BICD1: variants seen among roughly 807,000 people sequenced by gnomAD.
The protein encoded by BICD1 is protein bicaudal D homolog 1.
Under a neutral mutation model 92.5 loss-of-function variants are expected in BICD1, and 35 were observed. The ratio of observed to expected loss-of-function variants is 0.38; its 90% CI spans 0.29 to 0.50. The LOEUF is 0.50. Among genes scored for constraint, BICD1 ranks in the 20% least tolerant of loss-of-function variants. The probability of loss-of-function intolerance (pLI) is 0.93; values close to 1 mark genes in which losing one functional copy is unlikely to be tolerated. For missense variants in BICD1, 950 were observed against 1,189.8 expected (o/e 0.80, Z 2.97); for synonymous variants, 429 against 465.1 (o/e 0.92, Z 1.00).
At chr12:32,268,065 T>C (rs920196517) in intron 2 of BICD1, among the ~76,000 whole-genome samples, 15 of 152,230 alleles carry the variant, frequency 9.9e-5, no homozygotes, top group Non-Finnish European at 2.2e-4. Context: ...CCCAAAGCAC[T>C]GGGATTACAG....
rs1466672007 is a variant in BICD1, at chr12:32,378,381, A to T, written c.*754A>T. ...ATTACTAAGTAAATCTAAGAAAGAG[A>T]CTAAGTTATGATTTATTGACTTATT... On this transcript the variant is annotated 3_prime_UTR_variant, in exon 10 of 10. Transcript: ENST00000652176. 1 of 152,218 alleles carries T rather than the reference A, an allele frequency of 6.6e-6. No individual in the cohort carries two copies. Among genetic ancestry groups the T allele is most frequent in the Admixed American group, 6.5e-5 (1 of 15,278 alleles). The allele number at this position is 152,218 out of a possible 1,614,324, so 9.4% of individuals were successfully genotyped here.
At position 32,342,192 on chromosome 12, in the gene BICD1, ATGTGTG is replaced by A. The variant is rs1185218186; in HGVS notation, c.2764+3221_2764+3226del. ...TATATATATATGTGTGTATATATATATGTGTGTGTGTGTATATATATATATATATAT... is the reference window on the plus strand; with the variant it reads ...TATATATATATGTGTGTATATATATATGTGTGTATATATATATATATATAT... On this transcript the variant is annotated intron_variant, in intron 8 of 9. Transcript: ENST00000652176. Among the ~76,000 whole-genome samples, 235 of 109,992 alleles carry A rather than the reference ATGTGTG, an allele frequency of 2.1e-3. 2 individuals are homozygous for A. The East Asian group carries it at 0.031, about 14-fold the overall frequency. The allele number at this position is 109,992 out of a possible 152,430, so 72.2% of individuals were successfully genotyped here.
intron 2 of BICD1, among the ~76,000 whole-genome samples, chr12:32,270,116 C>A (rs1455748470): frequency 1.9e-5 from 2 of 103,674 alleles, no homozygotes; most frequent in Non-Finnish European, 4.0e-5. Flanking sequence ...GCCAGACTCC[C>A]TCTAAAAAAA....
At chr12:32,372,437 G>A (rs146873743) in intron 9 of BICD1, among the ~76,000 whole-genome samples, 64 of 152,218 alleles carry the variant, frequency 4.2e-4, no homozygotes, top group South Asian at 8.3e-4. Flanking sequence ...CCAAGATCAC[G>A]CTTGGACAAC....
chr12:32,283,625 A>G (rs888454395), intron 2 of BICD1, among the ~76,000 whole-genome samples: 1 of 152,230 alleles, frequency 6.6e-6, no homozygotes, highest in South Asian at 2.1e-4. Flanking sequence ...ATTGGGGATC[A>G]AAGGATAGGA....
intron 4 of BICD1, among the ~76,000 whole-genome samples, chr12:32,323,978 G>A (rs1948714982): frequency 6.6e-6 from 1 of 152,270 alleles, no homozygotes; most frequent in South Asian, 2.1e-4. Context: ...GGAATATTGA[G>A]AGTTAACCTT....
intron 1 of BICD1, among the ~76,000 whole-genome samples, chr12:32,178,682 G>C (rs974669643): frequency 2.6e-5 from 4 of 152,040 alleles, no homozygotes; most frequent in Non-Finnish European, 5.9e-5. Context: ...GTTCTATCTA[G>C]TGGATGGACC....
At chr12:32,129,248 G>A (rs565097143) in intron 1 of BICD1, among the ~76,000 whole-genome samples, 5 of 151,420 alleles carry the variant, frequency 3.3e-5, no homozygotes, top group African/African-American at 1.2e-4. Flanking sequence ...TTGTAGGCCG[G>A]GCATGGTGGC....
chr12:32,193,198 C>A (rs771219168), intron 1 of BICD1, among the ~76,000 whole-genome samples: 1 of 152,164 alleles, frequency 6.6e-6, no homozygotes, highest in Non-Finnish European at 1.5e-5. Context: ...TAAGAAATTG[C>A]CACAGCCACC....
At position 32,158,614 on chromosome 12, in the gene BICD1, T is replaced by C. The variant is rs545220868; in HGVS notation, c.213+51070T>C. Among the ~76,000 whole-genome samples the C allele has an allele frequency of 5.2e-4, 79 of 152,368 alleles. 2 individuals are homozygous for C. The highest frequency in any genetic ancestry group is 3.7e-3 in the South Asian group (18 of 4,826). ...GGCAGACTTGCTCCCTCTTCCTGTG[T>C]GGAGAGAAGCCCATGTACTTTATTT... On this transcript the variant is annotated intron_variant, in intron 1 of 9. Transcript: ENST00000652176.
chr12:32,154,992 C>A (rs544364465), intron 1 of BICD1, among the ~76,000 whole-genome samples: 2 of 151,850 alleles, frequency 1.3e-5, no homozygotes, highest in African/African-American at 4.8e-5. Flanking sequence ...AAATAAGCAT[C>A]TGTGAAGTCA....
chr12:32,216,234 A>G lies in BICD1; in HGVS notation c.214-13A>G, dbSNP rs748616460. ...TTCATTGTGTACTCTTTTTCTTCCC[A>G]TATACTCTGCAGGCATTTGGGCAGT... is the stretch of plus-strand genomic sequence containing the variant. On this transcript the variant is annotated splice_polypyrimidine_tract_variant and intron_variant, in intron 1 of 9. Coordinates refer to ENST00000652176, the MANE Select transcript of BICD1 (RefSeq NM_001714.4). 6.2e-7 allele frequency: 1 copy of G among 1,611,686 alleles called. No individual in the cohort carries two copies. Among genetic ancestry groups the G allele is most frequent in the East Asian group, 2.2e-5 (1 of 44,860 alleles).
chr12:32,117,754 A>ATTT (rs1280074338), intron 1 of BICD1, among the ~76,000 whole-genome samples: 3 of 106,132 alleles, frequency 2.8e-5, no homozygotes, highest in African/African-American at 9.2e-5. Flanking sequence ...ATATATATAT[A>ATTT]TATATTTTTT....
intron 2 of BICD1, among the ~76,000 whole-genome samples, chr12:32,270,119 T>TAAA (rs34843444): frequency 7.7e-6 from 1 of 129,082 alleles, no homozygotes; most frequent in Admixed American, 7.6e-5. Context: ...AGACTCCCTC[T>TAAA]AAAAAAAAAA....
intron 1 of BICD1, among the ~76,000 whole-genome samples, chr12:32,116,788 C>T (rs1477269273): frequency 1.3e-5 from 2 of 151,726 alleles, no homozygotes; most frequent in Non-Finnish European, 2.9e-5. Context: ...TTATGTTGCT[C>T]AGGCTGGTCT....
chr12:32,177,489 G>A (rs1944128821), intron 1 of BICD1, among the ~76,000 whole-genome samples: 1 of 148,980 alleles, frequency 6.7e-6, no homozygotes. Flanking sequence ...AATGTATATA[G>A]TATAATCCAA....
chr12:32,328,389 G>A lies in BICD1; in HGVS notation c.1934G>A (p.Arg645Gln), dbSNP rs998314203. 5.0e-6 allele frequency: 8 copies of A among 1,614,088 alleles called. No individual in the cohort carries two copies. Among genetic ancestry groups the A allele is most frequent in the East Asian group, 2.2e-5 (1 of 44,894 alleles). ...QIKHLQKAVD[R>Q]SLQLSRQRAA... ...AAGCATCTGCAGAAAGCTGTGGACC[G>A]GTCCTTGCAACTGTCTCGTCAAAGA... Residue 645 changes from arginine to glutamine, a missense_variant, in exon 5 of 10, where the codon CGG becomes CAG. Transcript: ENST00000652176. The surrounding 1 kb of genome is among the most constrained non-coding windows in gnomAD (Gnocchi z 4.4).
chr12:32,182,278 CTTTTTTT>C (rs759328721), intron 1 of BICD1, among the ~76,000 whole-genome samples: 4 of 81,422 alleles, frequency 4.9e-5, no homozygotes, highest in African/African-American at 1.3e-4. Context: ...TTCTTTCTTT[CTTTTTTT>C]TTTTTTTTTT....
At chr12:32,111,635 T>G (rs1565520947) in intron 1 of BICD1, among the ~76,000 whole-genome samples, 2 of 152,024 alleles carry the variant, frequency 1.3e-5, no homozygotes, top group South Asian at 2.1e-4. Flanking sequence ...TGAGATGGAG[T>G]CTCGCACTTT....
Sources: allele counts gnomAD v4.1 joint callset (sites outside exome capture counted in the v4.1 genomes callset), GRCh38; gene constraint gnomAD v4.1.1; non-coding constraint Gnocchi (gnomAD v3.1); transcripts MANE v1.5; gene names NCBI Gene and HGNC (gene_info 2026-07-23, HGNC 2026-07-21).